Variants in BCL9 observed in about 807,000 individuals in gnomAD.
The protein encoded by BCL9 is BCL9 transcription coactivator.
BCL9 carries 25 observed loss-of-function variants against 88.5 expected under a neutral mutation model. That is an observed-to-expected ratio of 0.28 (90% CI 0.21 to 0.39). The LOEUF (loss-of-function observed/expected upper bound fraction) is 0.39. Among genes scored for constraint, BCL9 ranks in the 10% least tolerant of loss-of-function variants. The pLI, the probability that BCL9 is intolerant of heterozygous loss-of-function variation, is 1.00. For synonymous variants in BCL9, 711 were observed against 673.3 expected (o/e 1.06, Z -0.87); for missense variants, 1,817 against 1,877.8 (o/e 0.97, Z 0.60).
At chr1:147,607,943 A>G (rs920006202) in intron 3 of BCL9, among the ~76,000 whole-genome samples, 4 of 152,186 alleles carry the variant, frequency 2.6e-5, no homozygotes, top group Non-Finnish European at 4.4e-5. Flanking sequence ...CAGCATGAGA[A>G]GAGAAGATGA....
intron 1 of BCL9, among the ~76,000 whole-genome samples, chr1:147,552,157 T>C (rs1310858800): frequency 2.0e-5 from 3 of 152,204 alleles, no homozygotes; most frequent in Non-Finnish European, 4.4e-5. Context: ...AAGGGAATAA[T>C]GGTGGAAGGA....
In BCL9 at chr1:147,619,014, C is replaced by A. The variant is rs781899908; in HGVS notation, c.859C>A (p.Pro287Thr). 3 of 1,609,812 alleles carry A rather than the reference C, an allele frequency of 1.9e-6. No homozygotes were observed. Among genetic ancestry groups the A allele is most frequent in the South Asian group, 2.2e-5 (2 of 90,460 alleles). Residue 287 changes from proline (P) to threonine (T), a missense_variant, in exon 8 of 10, where the codon CCT (proline) becomes ACT (threonine). Coordinates refer to ENST00000234739, the MANE Select transcript of BCL9 (RefSeq NM_004326.4). This position sits in a 1 kb window ranked among gnomAD's most constrained non-coding sequence, Gnocchi z 4.1. ...ESPGVENKLI[P>T]SVGSPASSTP... ...TCCTGGGGTAGAAAACAAACTGATTCCTTCTGTAGGAAGTCCTGCCAGCTC... is the reference window on the plus strand; with the variant it reads ...TCCTGGGGTAGAAAACAAACTGATTACTTCTGTAGGAAGTCCTGCCAGCTC...
chr1:147,619,701 C>T lies in BCL9; in HGVS notation c.1546C>T (p.Pro516Ser), dbSNP rs146055055. Residue 516 changes from proline to serine, a missense_variant, in exon 8 of 10, where the codon CCT (proline) becomes TCT (serine). Physicochemically the swap from Pro to Ser is moderately conservative, Grantham distance 74. Transcript: ENST00000234739. The surrounding 1 kb of genome is among the most constrained non-coding windows in gnomAD (Gnocchi z 4.1). ...GPRGVVRGPP[P>S]PYQMTPSEGW... ...TCGGGGAGTGGTCCGAGGACCCCCCCCTCCATACCAGATGACCCCTAGTGA... is the reference window on the plus strand; with the variant it reads ...TCGGGGAGTGGTCCGAGGACCCCCCTCTCCATACCAGATGACCCCTAGTGA... 2.5e-6 allele frequency: 4 copies of T among 1,614,078 alleles called. No homozygotes were observed. Among genetic ancestry groups the T allele is most frequent in the East Asian group, 2.2e-5 (1 of 44,864 alleles).
Position 147,584,544 on chromosome 1 carries a change from T to A in BCL9, c.-477-20233T>A, listed in dbSNP as rs965323872. On this transcript the variant is annotated intron_variant, in intron 1 of 9. Coordinates refer to ENST00000234739, the MANE Select transcript of BCL9 (RefSeq NM_004326.4). ...AATCCACTTATCTGTGATGTCACCT[T>A]CATCAATTCCCAGTTATGTTCAATG... 2.6e-5 allele frequency among the ~76,000 whole-genome samples: 4 copies of A among 152,216 alleles called. No homozygotes were observed. In the East Asian group the frequency reaches 7.7e-4, roughly 29 times the overall value.
chr1:147,580,675 G>GA, intron 1 of BCL9, among the ~76,000 whole-genome samples: 1 of 152,278 alleles, frequency 6.6e-6, no homozygotes, highest in East Asian at 1.9e-4. Context: ...GGAAATGAAG[G>GA]AAAGGAAAAG....
chr1:147,562,825 T>C (rs77393008), intron 1 of BCL9, among the ~76,000 whole-genome samples: 4,552 of 152,266 alleles, frequency 0.03, 111 homozygotes, highest in Non-Finnish European at 0.043. Context: ...CAAATCTCAT[T>C]GCTGTCCCAC....
intron 1 of BCL9, among the ~76,000 whole-genome samples, chr1:147,600,898 G>T (rs1657353449): frequency 6.6e-6 from 1 of 152,186 alleles, no homozygotes; most frequent in African/African-American, 2.4e-5. Context: ...GGACACACCA[G>T]TGATTTCCAA....
Position 147,614,408 on chromosome 1 carries a change from A to T in BCL9, c.371-19A>T, listed in dbSNP as rs1553203322. 1 of 1,610,434 alleles carries T rather than the reference A, an allele frequency of 6.2e-7. No homozygotes were observed. Among genetic ancestry groups the T allele is most frequent in the South Asian group, 1.1e-5 (1 of 90,958 alleles). The stretch of plus-strand genomic sequence containing the variant: ...AGGAAATTTTATTCTTTCTGTGACG[A>T]GTCATTTTATTCTTTTAGAATGTAA... On this transcript the variant is annotated intron_variant, in intron 5 of 9. Coordinates refer to ENST00000234739, the MANE Select transcript of BCL9 (RefSeq NM_004326.4).
chr1:147,559,918 A>T (rs782813589), intron 1 of BCL9, among the ~76,000 whole-genome samples: 4 of 152,220 alleles, frequency 2.6e-5, no homozygotes, highest in African/African-American at 4.8e-5. Context: ...GACCCAGAGA[A>T]AACAGAGACT....
In BCL9 at chr1:147,619,544, C is replaced by A; in HGVS notation, c.1389C>A (p.Asp463Glu). Residue 463 changes from aspartate to glutamate, a missense_variant, in exon 8 of 10, where the codon GAC (aspartate) becomes GAA (glutamate). Physicochemically the swap from Asp to Glu is conservative, Grantham distance 45 (BLOSUM62 2). Transcript: ENST00000234739. This position sits in a 1 kb window ranked among gnomAD's most constrained non-coding sequence, Gnocchi z 4.1. ...GGACCATAGGACCCGACCACCTTGA[C>A]CATATGACTCCCGAGCAGATAGCGT... ...QSGTIGPDHL[D>E]HMTPEQIAWL... is the part of the protein sequence containing the mutation. 6.2e-7 allele frequency: 1 copy of A among 1,614,102 alleles called. No homozygotes were observed. The highest frequency in any genetic ancestry group is 8.5e-7 in the Non-Finnish European group (1 of 1,180,022).
chr1:147,605,651 C>T (rs2101598488), intron 2 of BCL9, among the ~76,000 whole-genome samples: 1 of 152,232 alleles, frequency 6.6e-6, no homozygotes. Flanking sequence ...CTCTACATGC[C>T]CATTGCATAG....
chr1:147,549,273 G>A (rs587746511), intron 1 of BCL9, among the ~76,000 whole-genome samples: 24 of 151,944 alleles, frequency 1.6e-4, no homozygotes, highest in African/African-American at 5.1e-4. Context: ...CACTGCACTC[G>A]GCCTCCTCTA....
intron 1 of BCL9, among the ~76,000 whole-genome samples, chr1:147,575,064 A>G (rs755971555): frequency 2.0e-5 from 3 of 152,100 alleles, no homozygotes; most frequent in Non-Finnish European, 4.4e-5. Context: ...AATAATAGCT[A>G]CTGTTTATTG....
At chr1:147,587,648 C>G (rs1656674945) in intron 1 of BCL9, among the ~76,000 whole-genome samples, 1 of 152,140 alleles carries the variant, frequency 6.6e-6, no homozygotes, top group African/African-American at 2.4e-5. Flanking sequence ...TAACTAATAA[C>G]ACTCAGAGAA....
chr1:147,618,800 ATTTG>A lies in BCL9; in HGVS notation c.661-10_661-7del, dbSNP rs1557858660. On this transcript the variant is annotated splice_polypyrimidine_tract_variant and intron_variant, in intron 7 of 9. Coordinates refer to ENST00000234739, the MANE Select transcript of BCL9 (RefSeq NM_004326.4). ...TCAGTTTACTAATGATTTTTAAACT[ATTTG>A]TTTGTCTTCAGAACACACAGATATC... The A allele has an allele frequency of 4.0e-5, 60 of 1,511,916 alleles. No individual in the cohort carries two copies. The highest frequency in any genetic ancestry group is 5.0e-5 in the Non-Finnish European group (56 of 1,130,766). The allele number at this position is 1,511,916 out of a possible 1,614,324, so 93.7% of individuals were successfully genotyped here. A position where few individuals can be genotyped will look rare whatever the true frequency, so the allele number is the denominator to read the frequency against.
At chr1:147,603,823 A>T (rs1287494330) in intron 1 of BCL9, among the ~76,000 whole-genome samples, 3 of 152,040 alleles carry the variant, frequency 2.0e-5, no homozygotes, top group Non-Finnish European at 4.4e-5. Context: ...CAGGGTTCTT[A>T]ACCTTATAAT....
Position 147,614,603 on chromosome 1 carries a change from G to C in BCL9, c.547G>C (p.Glu183Gln), listed in dbSNP as rs782507301. 1.7e-5 allele frequency: 27 copies of C among 1,611,750 alleles called. No homozygotes were observed. Among genetic ancestry groups the C allele is most frequent in the Non-Finnish European group, 2.1e-5 (25 of 1,179,064 alleles). ...CAAAGTGGTGTACGTGTTTTCTACT[G>C]AGATGGCCAATAAGTAAGTTGATGG... ...PAKVVYVFST[E>Q]MANKAAEAVL... Residue 183 changes from glutamate (E) to glutamine (Q), a missense_variant, in exon 6 of 10, where the codon GAG (glutamate) becomes CAG (glutamine). By Grantham distance (29) the Glu-to-Gln change is conservative. This residue lies in a region of BCL9 where 1,228 missense variants were observed against 1,191.6 expected (regional missense o/e 1.03). Coordinates refer to ENST00000234739, the MANE Select transcript of BCL9 (RefSeq NM_004326.4).
intron 1 of BCL9, among the ~76,000 whole-genome samples, chr1:147,586,860 T>A (rs587618115): frequency 6.6e-6 from 1 of 152,238 alleles, no homozygotes; most frequent in South Asian, 2.1e-4. Flanking sequence ...AGATGCAAAC[T>A]CCTTAGCCTT....
intron 1 of BCL9, among the ~76,000 whole-genome samples, chr1:147,596,309 T>C (rs782807314): frequency 2.0e-5 from 3 of 152,180 alleles, no homozygotes; most frequent in Admixed American, 1.3e-4. Context: ...TTGTTTCTTT[T>C]GCCTGGAAAA....
Sources: allele counts gnomAD v4.1 joint callset (sites outside exome capture counted in the v4.1 genomes callset), GRCh38; gene constraint gnomAD v4.1.1; regional missense constraint gnomAD v4.1.1; non-coding constraint Gnocchi (gnomAD v3.1); transcripts MANE v1.5; gene names NCBI Gene and HGNC (gene_info 2026-07-23, HGNC 2026-07-21).